KLHL7: variants seen among roughly 807,000 people sequenced by gnomAD.
KLHL7 encodes kelch like family member 7.
In KLHL7, 44 loss-of-function variants were observed where a neutral mutation model predicts 67.4. The ratio of observed to expected loss-of-function variants is 0.65; its 90% CI spans 0.51 to 0.84. The LOEUF (loss-of-function observed/expected upper bound fraction) is 0.84. Among genes scored for constraint, KLHL7 ranks in the 40% least tolerant of loss-of-function variants. KLHL7 has a pLI of 0.00. For missense variants in KLHL7, 362 were observed against 718.1 expected, an observed-to-expected ratio of 0.50 and a Z score of 5.67; for synonymous variants, 252 against 243.3, an observed-to-expected ratio of 1.04 and a Z score of -0.33.
chr7:23,172,977 C>G lies in KLHL7; in HGVS notation c.1409C>G (p.Ala470Gly), dbSNP rs757750134. The G allele has an allele frequency of 6.2e-7, 1 of 1,613,724 alleles. No homozygotes were observed. Among genetic ancestry groups the G allele is most frequent in the Non-Finnish European group, 8.5e-7 (1 of 1,179,782 alleles). ...TWTELCPMIE[A>G]RKNHGLVFVK... ...ACTGAGCTGTGTCCAATGATTGAAG[C>G]CAGGAAGAATCATGGGCTGGTATTT... The change falls in exon 10 of 11, where the codon GCC (alanine) becomes GGC (glycine). Residue 470 changes from alanine (A) to glycine (G), a missense_variant. Ala to Gly is a moderately conservative substitution (Grantham distance 60). This residue lies in a region of KLHL7 where 136 missense variants were observed against 252.7 expected (regional missense o/e 0.54). Coordinates refer to ENST00000339077, the MANE Select transcript of KLHL7 (RefSeq NM_001031710.3).
At position 23,138,685 on chromosome 7, in the gene KLHL7, G is replaced by A. The variant is rs117818977; in HGVS notation, c.443-2084G>A. ...CCTGAGTAGCTGGGATTATAGATGCGCGCCACCACACTCAGCTGATTTTTG... is the reference window on the plus strand; with the variant it reads ...CCTGAGTAGCTGGGATTATAGATGCACGCCACCACACTCAGCTGATTTTTG... On this transcript the variant is annotated intron_variant, in intron 4 of 10. Coordinates refer to ENST00000339077, the MANE Select transcript of KLHL7 (RefSeq NM_001031710.3). Among the ~76,000 whole-genome samples the A allele has an allele frequency of 9.6e-4, 146 of 151,544 alleles. 2 individuals are homozygous for A. The East Asian group carries it at 0.025, about 26-fold the overall frequency.
intron 4 of KLHL7, among the ~76,000 whole-genome samples, chr7:23,138,507 G>A (rs558061706): frequency 3.6e-5 from 5 of 137,790 alleles, no homozygotes; most frequent in African/African-American, 1.4e-4. Context: ...CCTGAAGCCA[G>A]TAACCTCAGA....
intron 1 of KLHL7, among the ~76,000 whole-genome samples, chr7:23,118,736 C>T (rs555235249): frequency 1.0e-3 from 158 of 152,214 alleles, no homozygotes; most frequent in Non-Finnish European, 2.0e-3. Flanking sequence ...TCTCTTATCA[C>T]ATTATTTCCT....
intron 7 of KLHL7, among the ~76,000 whole-genome samples, chr7:23,165,034 G>A (rs562550024): frequency 6.6e-6 from 1 of 152,354 alleles, no homozygotes; most frequent in South Asian, 2.1e-4. Context: ...TGAAGAAACA[G>A]ATGCTGTGAA....
chr7:23,111,074 A>G (rs1288625717), intron 1 of KLHL7, among the ~76,000 whole-genome samples: 1 of 152,170 alleles, frequency 6.6e-6, no homozygotes, highest in East Asian at 1.9e-4. Context: ...TCAAGTAATC[A>G]CACAAATAAA....
chr7:23,164,993 C>T (rs1232647691), intron 7 of KLHL7, among the ~76,000 whole-genome samples: 1 of 152,190 alleles, frequency 6.6e-6, no homozygotes, highest in Non-Finnish European at 1.5e-5. Flanking sequence ...GGAAGGGCGG[C>T]ACAAGCATTC....
chr7:23,128,416 T>C (rs1433759238), intron 4 of KLHL7, among the ~76,000 whole-genome samples: 1 of 125,574 alleles, frequency 8.0e-6, no homozygotes, highest in Admixed American at 8.6e-5. Flanking sequence ...ACGACTTCTT[T>C]GGGTTTAAAA....
At chr7:23,113,985 G>T (rs369298784) in intron 1 of KLHL7, among the ~76,000 whole-genome samples, 1 of 152,060 alleles carries the variant, frequency 6.6e-6, no homozygotes, top group African/African-American at 2.4e-5. Flanking sequence ...TGAAAAGCAC[G>T]AATGTAAGAA....
intron 6 of KLHL7, among the ~76,000 whole-genome samples, chr7:23,151,163 T>TTTTGTTTTG (rs1554290802): frequency 1.4e-5 from 2 of 146,208 alleles, no homozygotes; most frequent in African/African-American, 5.2e-5. Context: ...TTTTGTTTTT[T>TTTTGTTTTG]TTTTTTTCTT....
chr7:23,146,941 G>A (rs1409690733), intron 6 of KLHL7, among the ~76,000 whole-genome samples: 3 of 151,714 alleles, frequency 2.0e-5, no homozygotes, highest in East Asian at 1.9e-4. Context: ...AATTATTGTT[G>A]TACTTCATTT....
chr7:23,106,399 G>C (rs1782641012), intron 1 of KLHL7: 1 of 1,332,082 alleles, frequency 7.5e-7, no homozygotes, highest in South Asian at 1.5e-5. Context: ...CCTCAGGCTG[G>C]CTTTCGCCGT....
At chr7:23,143,814 C>T (rs1423493756) in intron 5 of KLHL7, 37 bp from the exon 6 acceptor site, 2 of 1,601,728 alleles carry the variant, frequency 1.2e-6, no homozygotes, top group South Asian at 2.2e-5. Flanking sequence ...ATGTTGCTGT[C>T]TTCTAAGAAC....
Position 23,175,336 on chromosome 7 carries a change from T to G in KLHL7, c.*1038T>G, listed in dbSNP as rs1195784515. On this transcript the variant is annotated 3_prime_UTR_variant, in exon 11 of 11. Transcript: ENST00000339077. ...ATTTCCTTCCTAGTAATACTTTGCC[T>G]TTTTCACTGTGTATGGAATGAAACA... 4.4e-6 allele frequency: 2 copies of G among 453,892 alleles called. No homozygotes were observed. Among genetic ancestry groups the G allele is most frequent in the African/African-American group, 2.0e-5 (1 of 50,016 alleles). 28.1% of individuals were successfully genotyped at this position (453,892 alleles called of 1,614,324 possible).
At chr7:23,170,545 A>AT (rs1427320208) in intron 9 of KLHL7, among the ~76,000 whole-genome samples, 3 of 152,214 alleles carry the variant, frequency 2.0e-5, no homozygotes, top group Non-Finnish European at 4.4e-5. Flanking sequence ...TTTATTGTAT[A>AT]TTTCAAAATA....
At chr7:23,148,550 C>T (rs1036755449) in intron 6 of KLHL7, among the ~76,000 whole-genome samples, 5 of 152,126 alleles carry the variant, frequency 3.3e-5, no homozygotes, top group African/African-American at 7.2e-5. Flanking sequence ...CAAGAAGATG[C>T]CTTTACATTA....
chr7:23,160,150 C>T (rs899417437), intron 7 of KLHL7, among the ~76,000 whole-genome samples: 1 of 152,094 alleles, frequency 6.6e-6, no homozygotes, highest in Admixed American at 6.5e-5. Flanking sequence ...CTATTGCTTT[C>T]TGGGATTTGA....
intron 6 of KLHL7, among the ~76,000 whole-genome samples, chr7:23,151,357 T>C (rs1784530792): frequency 6.6e-6 from 1 of 152,194 alleles, no homozygotes; most frequent in African/African-American, 2.4e-5. Flanking sequence ...GATTGTTAAG[T>C]GGCACTGACA....
intron 7 of KLHL7, among the ~76,000 whole-genome samples, chr7:23,161,020 T>C (rs909798337): frequency 1.3e-5 from 2 of 152,236 alleles, no homozygotes; most frequent in Non-Finnish European, 2.9e-5. Context: ...ATGTTCCTGT[T>C]AAAACATTTA....
intron 1 of KLHL7, among the ~76,000 whole-genome samples, chr7:23,119,165 T>C (rs923599497): frequency 1.3e-4 from 20 of 152,328 alleles, no homozygotes; most frequent in African/African-American, 4.8e-4. Context: ...CATTAACATA[T>C]TGCATTAGTG....
Sources: gnomAD v4.1 joint callset for allele counts (sites outside exome capture counted in the v4.1 genomes callset) on GRCh38, gnomAD v4.1.1 for gene constraint, gnomAD v4.1.1 regional missense constraint, MANE v1.5 for transcripts, NCBI Gene and HGNC (gene_info 2026-07-23, HGNC 2026-07-21) for gene names.